PTPRM: variants seen among roughly 807,000 people sequenced by gnomAD.
PTPRM encodes receptor-type tyrosine-protein phosphatase mu.
In PTPRM, 47 loss-of-function variants were observed where a neutral mutation model predicts 186.7. The observed-to-expected ratio is 0.25, with a 90% CI of 0.20 to 0.32. PTPRM has a LOEUF of 0.32. Among genes scored for constraint, PTPRM ranks in the 10% least tolerant of loss-of-function variants. The pLI is 1.00. For synonymous variants in PTPRM, 668 were observed against 674.9 expected (o/e 0.99, Z 0.16); for missense variants, 1,494 against 1,865.0 (o/e 0.80, Z 3.66).
At chr18:7,892,223 A>G (rs926300632) in intron 3 of PTPRM, among the ~76,000 whole-genome samples, 1 of 152,046 alleles carries the variant, frequency 6.6e-6, no homozygotes, top group African/African-American at 2.4e-5. Flanking sequence ...CTTTCTTGAG[A>G]CCATCACAGC....
chr18:8,145,732 T>C (rs1437540242), intron 14 of PTPRM, among the ~76,000 whole-genome samples: 5 of 152,342 alleles, frequency 3.3e-5, no homozygotes, highest in East Asian at 3.9e-4. Flanking sequence ...TCTTTATCAA[T>C]TGATGGTCAT....
intron 19 of PTPRM, among the ~76,000 whole-genome samples, chr18:8,289,927 T>C (rs1248803698): frequency 6.6e-6 from 1 of 152,146 alleles, no homozygotes; most frequent in Non-Finnish European, 1.5e-5. Flanking sequence ...TCACCTCTCT[T>C]AGCCGTGAAG....
Position 8,069,837 on chromosome 18 carries a change from A to C in PTPRM, c.1284A>C (p.Gln428His), listed in dbSNP as rs757405325. 4 of 1,614,148 alleles carry C rather than the reference A, an allele frequency of 2.5e-6. No individual in the cohort carries two copies. In the East Asian group the frequency reaches 8.9e-5, roughly 36 times the overall value. Residue 428 changes from glutamine to histidine, a missense_variant, in exon 8 of 33, where the codon CAA becomes CAC. Transcript: ENST00000580170. ...HYCYQVGGQEQVREEVSWDTE... is the reference protein window; with the variant it reads ...HYCYQVGGQEHVREEVSWDTE... ...GTTACCAAGTTGGAGGACAAGAACA[A>C]GTGCGAGAAGAAGTAAGCTGGGATA...
chr18:8,147,623 G>A (rs1177773824), intron 14 of PTPRM, among the ~76,000 whole-genome samples: 3 of 118,554 alleles, frequency 2.5e-5, no homozygotes, highest in Admixed American at 7.7e-5. Context: ...CTTCCTGTTT[G>A]AATACCCTTT....
chr18:7,930,170 A>T (rs1423024557), intron 5 of PTPRM, among the ~76,000 whole-genome samples: 2 of 151,874 alleles, frequency 1.3e-5, no homozygotes, highest in East Asian at 1.9e-4. Flanking sequence ...CTGGGCTTAG[A>T]TGATCCTCCC....
At chr18:8,316,119 G>T (rs1053797402) in intron 21 of PTPRM, among the ~76,000 whole-genome samples, 1 of 152,182 alleles carries the variant, frequency 6.6e-6, no homozygotes, top group Non-Finnish European at 1.5e-5. Flanking sequence ...TGAAATATGA[G>T]TGTCTTATCC....
intron 1 of PTPRM, among the ~76,000 whole-genome samples, chr18:7,735,326 A>G (rs140850978): frequency 7.1e-4 from 108 of 152,314 alleles, no homozygotes; most frequent in African/African-American, 2.4e-3. Flanking sequence ...AGACTGAGGC[A>G]GGAGAACAGC....
At chr18:7,934,118 C>T (rs1455855186) in intron 5 of PTPRM, among the ~76,000 whole-genome samples, 1 of 152,112 alleles carries the variant, frequency 6.6e-6, no homozygotes, top group Non-Finnish European at 1.5e-5. Context: ...AAGAAATATA[C>T]CTTTAATAAG....
At chr18:7,981,128 C>G (rs991172315) in intron 7 of PTPRM, among the ~76,000 whole-genome samples, 1 of 152,196 alleles carries the variant, frequency 6.6e-6, no homozygotes, top group Non-Finnish European at 1.5e-5. Context: ...CACACCTCCT[C>G]TCCCGCTGGT....
intron 1 of PTPRM, among the ~76,000 whole-genome samples, chr18:7,630,239 T>A (rs1275418425): frequency 6.6e-6 from 1 of 152,074 alleles, no homozygotes. Context: ...TCCAGACATC[T>A]AATGTCTGGT....
intron 19 of PTPRM, among the ~76,000 whole-genome samples, chr18:8,272,770 AT>A: frequency 6.6e-6 from 1 of 152,202 alleles, no homozygotes; most frequent in South Asian, 2.1e-4. Context: ...ACAGTGTTTT[AT>A]ATATTTTTTA....
At chr18:7,621,288 T>G (rs552471596) in intron 1 of PTPRM, among the ~76,000 whole-genome samples, 1 of 152,138 alleles carries the variant, frequency 6.6e-6, no homozygotes, top group African/African-American at 2.4e-5. Flanking sequence ...TGTTTGAAAC[T>G]CTGTTAAATT....
intron 1 of PTPRM, among the ~76,000 whole-genome samples, chr18:7,691,028 C>T (rs2039720743): frequency 6.6e-6 from 1 of 151,894 alleles, no homozygotes; most frequent in Non-Finnish European, 1.5e-5. Flanking sequence ...ACCTTTTTTT[C>T]ACTATGGAGG....
At chr18:8,250,591 G>A (rs374816262) in intron 17 of PTPRM, among the ~76,000 whole-genome samples, 21 of 151,962 alleles carry the variant, frequency 1.4e-4, no homozygotes, top group East Asian at 7.8e-4. Context: ...ACCAGCCTCC[G>A]CAACATAAGG....
intron 1 of PTPRM, among the ~76,000 whole-genome samples, chr18:7,772,820 T>C (rs1157770670): frequency 5.3e-5 from 8 of 152,196 alleles, no homozygotes; most frequent in Admixed American, 1.3e-4. Flanking sequence ...CTTAAATTCA[T>C]GTTTTCTTGA....
chr18:7,986,100 A>G (rs934769191), intron 7 of PTPRM, among the ~76,000 whole-genome samples: 3 of 152,212 alleles, frequency 2.0e-5, no homozygotes, highest in Admixed American at 6.5e-5. Flanking sequence ...CTAAGGCCCA[A>G]TGCTCAAATA....
At chr18:7,635,984 A>T (rs1453268474) in intron 1 of PTPRM, among the ~76,000 whole-genome samples, 1 of 152,228 alleles carries the variant, frequency 6.6e-6, no homozygotes. Flanking sequence ...TTATTTGGCC[A>T]TTTGTTTGGG....
intron 32 of PTPRM, among the ~76,000 whole-genome samples, 176 bp downstream of exon 32, chr18:8,394,787 T>A (rs72909667): frequency 0.025 from 3,770 of 152,320 alleles, 73 homozygotes; most frequent in East Asian, 0.08. Context: ...CCTCTTCCTC[T>A]CTTTGTTCTT....
intron 7 of PTPRM, among the ~76,000 whole-genome samples, chr18:7,959,611 T>G (rs2053536957): frequency 6.6e-6 from 1 of 152,242 alleles, no homozygotes; most frequent in Admixed American, 6.5e-5. Flanking sequence ...CTTATGCTTC[T>G]GAAAATTATT....
Sources: allele counts gnomAD v4.1 joint callset (sites outside exome capture counted in the v4.1 genomes callset), GRCh38; gene constraint gnomAD v4.1.1; transcripts MANE v1.5; gene names NCBI Gene and HGNC (gene_info 2026-07-23, HGNC 2026-07-21).